USP36: variants seen among roughly 807,000 people sequenced by gnomAD.
The protein encoded by USP36 is ubiquitin carboxyl-terminal hydrolase 36.
A neutral mutation model predicts 111.5 loss-of-function variants in USP36; 59 were observed. The observed-to-expected ratio is 0.53, with a 90% confidence interval of 0.43 to 0.66. USP36 has a LOEUF of 0.66. Among genes scored for constraint, USP36 ranks in the 30% least tolerant of loss-of-function variants. USP36 has a pLI of 0.00. For synonymous variants in USP36, 628 were observed against 581.0 expected (o/e 1.08, Z -1.16); for missense variants, 1,488 against 1,468.0 (o/e 1.01, Z -0.22).
intron 4 of USP36, among the ~76,000 whole-genome samples, chr17:78,830,628 C>G (rs1197055532): frequency 6.6e-6 from 1 of 152,196 alleles, no homozygotes. Flanking sequence ...AGATCCATCT[C>G]ATAACACAAA....
downstream of USP36, among the ~76,000 whole-genome samples, chr17:78,791,084 T>G (rs986558767): frequency 6.6e-6 from 1 of 151,640 alleles, no homozygotes; most frequent in African/African-American, 2.4e-5. Context: ...TGCTAACTCA[T>G]GGCAGACCCC....
chr17:78,800,254 G>C (rs1411993105), intron 17 of USP36, among the ~76,000 whole-genome samples: 1 of 152,200 alleles, frequency 6.6e-6, no homozygotes, highest in African/African-American at 2.4e-5. Context: ...AGAGGCCCAT[G>C]CCCCAGGACC....
rs747349917 is a variant in USP36 at position 78,803,649 on chromosome 17, T to G, written c.2546A>C (p.Lys849Thr). ...APHGKRKRKK[K>T]KRPEDTAASA... ...GGCAGCTGTGTCCTCCGGGCGCTTC[T>G]TCTTCTTCCTCTTCCTCTTCCCGTG... Residue 849 changes from lysine to threonine, a missense_variant, in exon 16 of 21, where the codon AAG (lysine) becomes ACG (threonine). Transcript: ENST00000449938. This position sits in a 1 kb window ranked among gnomAD's most constrained non-coding sequence, Gnocchi z 4.6. 1 of 1,610,094 alleles carries G rather than the reference T, an allele frequency of 6.2e-7. No individual in the cohort carries two copies. The highest frequency in any genetic ancestry group is 8.5e-7 in the Non-Finnish European group (1 of 1,178,812).
chr17:78,798,301 A>G lies in USP36; in HGVS notation c.*20+99T>C. On this transcript the variant is annotated intron_variant, in intron 20 of 20. Coordinates refer to ENST00000449938, the MANE Select transcript of USP36 (RefSeq NM_001385174.1). This position sits in a 1 kb window ranked among gnomAD's most constrained non-coding sequence, Gnocchi z 5.1. ...CACATGTGCCAGATACACAGCCCAC[A>G]TACATCATACACACACGCCACACCC... The G allele has an allele frequency of 6.8e-7, 1 of 1,478,002 alleles. No individual in the cohort carries two copies. The highest frequency in any genetic ancestry group is 2.3e-5 in the East Asian group (1 of 43,254). 91.6% of individuals were successfully genotyped at this position (1,478,002 alleles called of 1,614,324 possible). A position where few individuals can be genotyped will look rare whatever the true frequency, so the allele number is the denominator to read the frequency against.
intron 9 of USP36, among the ~76,000 whole-genome samples, 180 bp downstream of exon 9, chr17:78,819,750 A>AT (rs753594226): frequency 2.0e-5 from 3 of 152,252 alleles, no homozygotes; most frequent in Non-Finnish European, 2.9e-5. Flanking sequence ...TATAAAAATC[A>AT]TAGCTATTGC....
intron 16 of USP36, 111 bp from the exon 17 acceptor site, chr17:78,802,646 G>A (rs2093783355): frequency 9.8e-7 from 1 of 1,022,456 alleles, no homozygotes. Context: ...CTGTGACCCA[G>A]TGCACGCAGG....
rs1489013528 is a variant in USP36 at position 78,796,943 on chromosome 17, T to C, written c.*957A>G. Reference sequence around the variant, plus strand: ...GTTGGCAGGCACAGCTTGAGCAACATAGAAAAGTAATCTTCTTGAGTTATA... The same window carrying C: ...GTTGGCAGGCACAGCTTGAGCAACACAGAAAAGTAATCTTCTTGAGTTATA... On this transcript the variant is annotated 3_prime_UTR_variant, in exon 21 of 21. Transcript: ENST00000449938. 6.6e-6 allele frequency: 1 copy of C among 152,232 alleles called. No homozygotes were observed. Among genetic ancestry groups the C allele is most frequent in the Non-Finnish European group, 1.5e-5 (1 of 68,040 alleles). The allele number at this position is 152,232 out of a possible 1,614,324, so 9.4% of individuals were successfully genotyped here. A position where few individuals can be genotyped will look rare whatever the true frequency, so the allele number is the denominator to read the frequency against.
chr17:78,808,780 G>C (rs2093978900), intron 13 of USP36, among the ~76,000 whole-genome samples: 1 of 152,020 alleles, frequency 6.6e-6, no homozygotes, highest in Non-Finnish European at 1.5e-5. Context: ...GCTTGACCAA[G>C]AGGCTGTACC....
chr17:78,801,550 G>A (rs1392669688), intron 17 of USP36, among the ~76,000 whole-genome samples: 1 of 152,136 alleles, frequency 6.6e-6, no homozygotes, highest in African/African-American at 2.4e-5. Flanking sequence ...AATGTGTTCT[G>A]TGGCGGGTGC....
rs1411932936 is a variant in USP36 at position 78,806,280 on chromosome 17, T to C, written c.2092A>G (p.Thr698Ala). The change falls in exon 15 of 21, where the codon ACC (threonine) becomes GCC (alanine). Residue 698 changes from threonine to alanine, a missense_variant. Physicochemically the swap from Thr to Ala is moderately conservative, Grantham distance 58. Transcript: ENST00000449938. ...TCATTGCCGGTCGCCCTCCACAGGGTGCTGGCCTGCAGTTATCGACATAAA... is the reference window on the plus strand; with the variant it reads ...TCATTGCCGGTCGCCCTCCACAGGGCGCTGGCCTGCAGTTATCGACATAAA... ...KLALSAKKAS[T>A]LWRATGNDLR... 6.2e-7 allele frequency: 1 copy of C among 1,613,576 alleles called. No homozygotes were observed. Among genetic ancestry groups the C allele is most frequent in the South Asian group, 1.1e-5 (1 of 91,042 alleles).
At chr17:78,787,815 G>A (rs1430736273) in intron 3 of USP36, among the ~76,000 whole-genome samples, 1 of 152,246 alleles carries the variant, frequency 6.6e-6, no homozygotes, top group Non-Finnish European at 1.5e-5. Context: ...CTTTGCAGAT[G>A]TAATCAAGTT....
At chr17:78,836,512 G>T in intron 2 of USP36, 140 bp from the exon 3 acceptor site, 1 of 1,140,732 alleles carries the variant, frequency 8.8e-7, no homozygotes, top group Non-Finnish European at 1.2e-6. Context: ...TGGATCAGCT[G>T]CACAAAGGAA....
chr17:78,804,677 A>C (rs555730553), intron 15 of USP36, among the ~76,000 whole-genome samples: 15 of 147,006 alleles, frequency 1.0e-4, no homozygotes, highest in African/African-American at 3.5e-4. Context: ...TGATTTTAAA[A>C]GTCAAAAAAA....
chr17:78,819,187 G>GGC, intron 9 of USP36: 1 of 181,406 alleles, frequency 5.5e-6, no homozygotes, highest in Non-Finnish European at 1.2e-5. Flanking sequence ...CAGAAGCAGA[G>GGC]GCGCGCAGCT....
chr17:78,829,105 G>T, intron 4 of USP36, 98 bp from the exon 5 acceptor site: 2 of 982,424 alleles, frequency 2.0e-6, no homozygotes, highest in Non-Finnish European at 3.0e-6. Flanking sequence ...AGAAACACAA[G>T]CAGGTAAGAG....
intron 4 of USP36, among the ~76,000 whole-genome samples, chr17:78,834,933 A>G (rs1433593472): frequency 6.6e-6 from 1 of 151,644 alleles, no homozygotes; most frequent in African/African-American, 2.4e-5. Context: ...ACGAGTTGTG[A>G]TGGAGCCACT....
chr17:78,790,678 C>T (rs533833865), downstream of USP36, among the ~76,000 whole-genome samples: 22 of 152,222 alleles, frequency 1.4e-4, no homozygotes, highest in South Asian at 6.2e-4. Context: ...TGAGCCACTG[C>T]GCCCGGCCAA....
chr17:78,811,994 G>A (rs1217887678), intron 13 of USP36, among the ~76,000 whole-genome samples: 1 of 152,160 alleles, frequency 6.6e-6, no homozygotes, highest in Non-Finnish European at 1.5e-5. Context: ...CTTAAGACCA[G>A]CCAGGGCAAC....
intron 2 of USP36, among the ~76,000 whole-genome samples, chr17:78,837,492 C>A (rs1049823423): frequency 6.6e-6 from 1 of 152,074 alleles, no homozygotes; most frequent in Non-Finnish European, 1.5e-5. Flanking sequence ...AAATAATAGG[C>A]TTGGGAAGTG....
Sources: allele counts gnomAD v4.1 joint callset (sites outside exome capture counted in the v4.1 genomes callset), GRCh38; gene constraint gnomAD v4.1.1; non-coding constraint Gnocchi (gnomAD v3.1); transcripts MANE v1.5; gene names NCBI Gene and HGNC (gene_info 2026-07-23, HGNC 2026-07-21).